SPATA31A6: variants seen among roughly 807,000 people sequenced by gnomAD.
SPATA31A6 encodes the protein SPATA31 subfamily A member 6, also known as spermatogenesis-associated protein 31A6.
SPATA31A6 carries 9 observed loss-of-function variants against 11.9 expected under a neutral mutation model. The ratio of observed to expected loss-of-function variants is 0.76; its 90% CI spans 0.46 to 1.32. The LOEUF (loss-of-function observed/expected upper bound fraction) is 1.32. Among genes scored for constraint, SPATA31A6 ranks in the 40% most tolerant of loss-of-function variants. The pLI is 0.00. For missense variants in SPATA31A6, 855 were observed against 1,467.3 expected (o/e 0.58, Z 6.82); for synonymous variants, 314 against 572.1 (o/e 0.55, Z 6.44).
Position 42,184,826 on chromosome 9 carries a change from C to G in SPATA31A6, c.190-243C>G, listed in dbSNP as rs1351854584. Among the ~76,000 whole-genome samples, 4 of 137,700 alleles carry G rather than the reference C, an allele frequency of 2.9e-5. 1 individual carries two copies. Among genetic ancestry groups the G allele is most frequent in the Non-Finnish European group, 6.2e-5 (4 of 64,770 alleles). The allele number at this position is 137,700 out of a possible 152,430, so 90.3% of individuals were successfully genotyped here. Reference sequence around the variant, plus strand: ...TATAGGCGTGAGCCACCACGCCCAGCCCCCTCTTGCTGTTTTTCTAAGAAG... The same window carrying G: ...TATAGGCGTGAGCCACCACGCCCAGGCCCCTCTTGCTGTTTTTCTAAGAAG... On this transcript the variant is annotated intron_variant, in intron 1 of 3. Coordinates refer to ENST00000332857, the MANE Select transcript of SPATA31A6 (RefSeq NM_001145196.1).
In SPATA31A6 at chr9:42,186,798, T is replaced by A; in HGVS notation, c.1096T>A (p.Leu366Met). The A allele has an allele frequency of 6.5e-7, 1 of 1,533,242 alleles. No individual in the cohort carries two copies. Among genetic ancestry groups the A allele is most frequent in the Non-Finnish European group, 8.8e-7 (1 of 1,141,098 alleles). The allele number at this position is 1,533,242 out of a possible 1,614,324, so 95.0% of individuals were successfully genotyped here. A position where few individuals can be genotyped will look rare whatever the true frequency, so the allele number is the denominator to read the frequency against. ...AAAGCACTTAAATTCTTTGGGGAAT[T>A]TGGCTAAATCATTGGATGCTGAGCA... The part of the protein sequence containing the change: ...PEKHLNSLGN[L>M]AKSLDAEQDT... The change falls in exon 4 of 4, where the codon TTG becomes ATG. Residue 366 changes from leucine (L) to methionine (M), a missense_variant. By Grantham distance (15) the Leu-to-Met change is conservative. Coordinates refer to ENST00000332857, the MANE Select transcript of SPATA31A6 (RefSeq NM_001145196.1).
rs774395509 is a variant in SPATA31A6 at position 42,189,160 on chromosome 9, C to T, written c.3458C>T (p.Pro1153Leu). Residue 1153 changes from proline (P) to leucine (L), a missense_variant, in exon 4 of 4, where the codon CCT (proline) becomes CTT (leucine). Physicochemically the swap from Pro to Leu is moderately conservative, Grantham distance 98. Coordinates refer to ENST00000332857, the MANE Select transcript of SPATA31A6 (RefSeq NM_001145196.1). ...GVQLLPSKKQPPSVSHFGENI... is the reference protein window; with the variant it reads ...GVQLLPSKKQLPSVSHFGENI... ...CAGCTACTGCCATCAAAGAAACAGC[C>T]TCCTTCAGTAAGCCACTTTGGAGAA... is the stretch of plus-strand genomic sequence containing the variant. The T allele has an allele frequency of 6.0e-5, 92 of 1,544,668 alleles. 15 individuals carry two copies. Among genetic ancestry groups the T allele is most frequent in the Middle Eastern group, 4.6e-4 (2 of 4,320 alleles).
Position 42,183,742 on chromosome 9 carries a change from C to G in SPATA31A6, c.55C>G (p.Pro19Ala). ...ACTTAGTGCCTCATCGCTAAACGCCCCCAGCTCCACACCATGGGTGTTGGA... is the reference window on the plus strand; with the variant it reads ...ACTTAGTGCCTCATCGCTAAACGCCGCCAGCTCCACACCATGGGTGTTGGA... ...KLLSASSLNAPSSTPWVLDIF... is the reference protein window; with the variant it reads ...KLLSASSLNAASSTPWVLDIF... Residue 19 changes from proline to alanine, a missense_variant, in exon 1 of 4, where the codon CCC becomes GCC. Coordinates refer to ENST00000332857, the MANE Select transcript of SPATA31A6 (RefSeq NM_001145196.1). 6.5e-7 allele frequency: 1 copy of G among 1,535,388 alleles called. No individual in the cohort carries two copies. The highest frequency in any genetic ancestry group is 8.8e-7 in the Non-Finnish European group (1 of 1,137,618).
At position 42,186,985 on chromosome 9, in the gene SPATA31A6, T is replaced by C; in HGVS notation, c.1283T>C (p.Val428Ala). 6.5e-7 allele frequency: 1 copy of C among 1,545,938 alleles called. No individual in the cohort carries two copies. The highest frequency in any genetic ancestry group is 8.8e-7 in the Non-Finnish European group (1 of 1,142,124). Reference sequence around the variant, plus strand: ...CCCTCTCTGCACAGCGAGTCCCTGGTGGCTAACGCCTGGGTAACTGACAGG... The same window carrying C: ...CCCTCTCTGCACAGCGAGTCCCTGGCGGCTAACGCCTGGGTAACTGACAGG... ...GLPSLHSESL[V>A]ANAWVTDRSY... Residue 428 changes from valine (V) to alanine (A), a missense_variant, in exon 4 of 4, where the codon GTG (valine) becomes GCG (alanine). Val to Ala is a moderately conservative substitution (Grantham distance 64). Coordinates refer to ENST00000332857, the MANE Select transcript of SPATA31A6 (RefSeq NM_001145196.1).
Position 42,184,986 on chromosome 9 carries a change from C to T in SPATA31A6, c.190-83C>T, listed in dbSNP as rs1587325913. The T allele has an allele frequency of 3.6e-6, 5 of 1,377,644 alleles. No homozygotes were observed. In the South Asian group the frequency reaches 5.1e-5, roughly 14 times the overall value. The allele number at this position is 1,377,644 out of a possible 1,614,324, so 85.3% of individuals were successfully genotyped here. A position where few individuals can be genotyped will look rare whatever the true frequency, so the allele number is the denominator to read the frequency against. On this transcript the variant is annotated intron_variant, in intron 1 of 3. Coordinates refer to ENST00000332857, the MANE Select transcript of SPATA31A6 (RefSeq NM_001145196.1). ...CTGGAGCAGAGAGGGAGAGCCAGTC[C>T]TAGCTTCTCGCCCTTTCTTGTCTCC...
rs1033097436 is a variant in SPATA31A6 at position 42,184,290 on chromosome 9, C to G, written c.189+414C>G. ...CTGTGCTGGGCCCCCGAGGGCCTCC[C>G]ACCAGGGCCTGGTGTCTCCTCTGGT... On this transcript the variant is annotated intron_variant, in intron 1 of 3. Transcript: ENST00000332857. Among the ~76,000 whole-genome samples, 9 of 130,208 alleles carry G rather than the reference C, an allele frequency of 6.9e-5. 3 individuals are homozygous for G. Among genetic ancestry groups the G allele is most frequent in the African/African-American group, 2.5e-4 (8 of 32,164 alleles). 85.4% of individuals were successfully genotyped at this position (130,208 alleles called of 152,430 possible). A position where few individuals can be genotyped will look rare whatever the true frequency, so the allele number is the denominator to read the frequency against.
At position 42,188,046 on chromosome 9, in the gene SPATA31A6, GC is replaced by G; in HGVS notation, c.2347del (p.Gln783ArgfsTer19). On this transcript the variant is annotated frameshift_variant, in exon 4 of 4. Transcript: ENST00000332857. LOFTEE classifies it low-confidence loss of function (END_TRUNC). ...PKSGKACVNT[A>X]QVLSFLEPCT... ...AAGTGGGAAAGCCTGTGTGAACACA[GC>G]CCAGGTGCTTTCCTTCCTCGAGCCG... is the stretch of plus-strand genomic sequence containing the variant. The G allele has an allele frequency of 1.5e-6, 1 of 646,566 alleles. No individual in the cohort carries two copies. Among genetic ancestry groups the G allele is most frequent in the Non-Finnish European group, 2.2e-6 (1 of 446,592 alleles). 40.1% of individuals were successfully genotyped at this position (646,566 alleles called of 1,614,324 possible).
intron 1 of SPATA31A6, among the ~76,000 whole-genome samples, chr9:42,184,503 G>GTTATTTATTTTATT (rs869112545): frequency 9.8e-6 from 1 of 102,442 alleles, no homozygotes; most frequent in South Asian, 3.3e-4. Flanking sequence ...TTATTTGTGT[G>GTTATTTATTTTATT]TTATTTTATT....
At position 42,187,347 on chromosome 9, in the gene SPATA31A6, G is replaced by A. The variant is rs1829478064; in HGVS notation, c.1645G>A (p.Glu549Lys). 3.9e-6 allele frequency: 6 copies of A among 1,538,090 alleles called. 1 individual carries two copies. The highest frequency in any genetic ancestry group is 5.3e-6 in the Non-Finnish European group (6 of 1,137,022). Residue 549 changes from glutamate to lysine, a missense_variant, in exon 4 of 4, where the codon GAA (glutamate) becomes AAA (lysine). By Grantham distance (56) the Glu-to-Lys change is moderately conservative. Transcript: ENST00000332857. ...ATGGCCTTTGTTGAGGAAACAACTAGAAGGTAGGTTGGCTTTACCCTCTAG... is the reference window on the plus strand; with the variant it reads ...ATGGCCTTTGTTGAGGAAACAACTAAAAGGTAGGTTGGCTTTACCCTCTAG... ...PEWPLLRKQLEGRLALPSRVQ... is the reference protein window; with the variant it reads ...PEWPLLRKQLKGRLALPSRVQ...
Position 42,189,481 on chromosome 9 carries a change from A to G in SPATA31A6, c.3779A>G (p.Tyr1260Cys), listed in dbSNP as rs765684794. 2 of 1,556,832 alleles carry G rather than the reference A, an allele frequency of 1.3e-6. No homozygotes were observed. The highest frequency in any genetic ancestry group is 1.7e-6 in the Non-Finnish European group (2 of 1,154,970). ...FYSEHGRILS[Y>C]AASSQQATLK... ...TCAGAACATGGCAGAATACTGAGCT[A>G]TGCAGCCAGCAGTCAACAAGCCACT... Residue 1260 changes from tyrosine (Y) to cysteine (C), a missense_variant, in exon 4 of 4, where the codon TAT (tyrosine) becomes TGT (cysteine). Coordinates refer to ENST00000332857, the MANE Select transcript of SPATA31A6 (RefSeq NM_001145196.1).
In SPATA31A6 at chr9:42,186,666, T is replaced by A. The variant is rs1829458489; in HGVS notation, c.964T>A (p.Ser322Thr). The A allele has an allele frequency of 6.5e-7, 1 of 1,531,798 alleles. No individual in the cohort carries two copies. Among genetic ancestry groups the A allele is most frequent in the East Asian group, 2.4e-5 (1 of 42,082 alleles). The allele number at this position is 1,531,798 out of a possible 1,614,324, so 94.9% of individuals were successfully genotyped here. The change falls in exon 4 of 4, where the codon TCT becomes ACT. Residue 322 changes from serine (S) to threonine (T), a missense_variant. By Grantham distance (58) the Ser-to-Thr change is moderately conservative. Coordinates refer to ENST00000332857, the MANE Select transcript of SPATA31A6 (RefSeq NM_001145196.1). The part of the protein sequence containing the change: ...MEAGSLFLLS[S>T]DGQNVVGIQV... ...AGCTGGTAGCCTGTTTTTGCTCAGC[T>A]CTGATGGCCAGAATGTCGTGGGGAT...
rs10907643 is a variant in SPATA31A6, at chr9:42,189,007, C to T, written c.3305C>T (p.Pro1102Leu). Residue 1102 changes from proline (P) to leucine (L), a missense_variant, in exon 4 of 4, where the codon CCT (proline) becomes CTT (leucine). Transcript: ENST00000332857. ...SCKSQRPMFP[P>L]IHKSEKSRKP... ...AAGAGCCAAAGGCCAATGTTTCCCC[C>T]TATTCACAAGAGTGAGAAGTCTAGG... The T allele has an allele frequency of 0.44, 684,792 of 1,543,798 alleles. 192,083 individuals are homozygous for T. The highest frequency in any genetic ancestry group is 0.67 in the East Asian group (27,979 of 41,872).
rs753419468 is a variant in SPATA31A6, at chr9:42,187,263, T to A, written c.1561T>A (p.Cys521Ser). The A allele has an allele frequency of 6.5e-7, 1 of 1,542,246 alleles. No homozygotes were observed. Among genetic ancestry groups the A allele is most frequent in the South Asian group, 1.2e-5 (1 of 86,494 alleles). Reference protein sequence around the residue: ...PSLIKNTGVACPASQNKVQAL... With the variant: ...PSLIKNTGVASPASQNKVQAL... ...CCTGATTAAGAACACTGGAGTAGCT[T>A]GCCCTGCATCGCAGAATAAAGTGCA... The change falls in exon 4 of 4, where the codon TGC (cysteine) becomes AGC (serine). Residue 521 changes from cysteine (C) to serine (S), a missense_variant. By Grantham distance (112) the Cys-to-Ser change is moderately radical. Coordinates refer to ENST00000332857, the MANE Select transcript of SPATA31A6 (RefSeq NM_001145196.1).
At position 42,183,752 on chromosome 9, in the gene SPATA31A6, C is replaced by T. The variant is rs183644807; in HGVS notation, c.65C>T (p.Thr22Ile). Reference protein sequence around the residue: ...SASSLNAPSSTPWVLDIFLTL... With the variant: ...SASSLNAPSSIPWVLDIFLTL... ...TCATCGCTAAACGCCCCCAGCTCCA[C>T]ACCATGGGTGTTGGATATCTTCCTC... Residue 22 changes from threonine to isoleucine, a missense_variant, in exon 1 of 4, where the codon ACA becomes ATA. Thr to Ile is a moderately conservative substitution (Grantham distance 89, BLOSUM62 -1). Transcript: ENST00000332857. 2.1e-3 allele frequency: 3,272 copies of T among 1,535,842 alleles called. 780 individuals are homozygous for T. The African/African-American group carries it at 0.047, about 22-fold the overall frequency.
chr9:42,187,701 C>A lies in SPATA31A6; in HGVS notation c.1999C>A (p.Leu667Met), dbSNP rs773575407. The A allele has an allele frequency of 1.3e-6, 2 of 1,520,438 alleles. No homozygotes were observed. Among genetic ancestry groups the A allele is most frequent in the African/African-American group, 3.4e-5 (2 of 59,010 alleles). The allele number at this position is 1,520,438 out of a possible 1,614,324, so 94.2% of individuals were successfully genotyped here. A position where few individuals can be genotyped will look rare whatever the true frequency, so the allele number is the denominator to read the frequency against. ...FQLERDLCPH[L>M]GQILGETPQN... ...GCTAGAGAGGGACCTGTGCCCACAT[C>A]TGGGGCAAATTCTGGGTGAGACCCC... Residue 667 changes from leucine (L) to methionine (M), a missense_variant, in exon 4 of 4, where the codon CTG becomes ATG. Coordinates refer to ENST00000332857, the MANE Select transcript of SPATA31A6 (RefSeq NM_001145196.1).
chr9:42,188,994 C>T lies in SPATA31A6; in HGVS notation c.3292C>T (p.Pro1098Ser). ...NCQGSCKSQRPMFPPIHKSEK... is the reference protein window; with the variant it reads ...NCQGSCKSQRSMFPPIHKSEK... ...TCAAGGCTCATGCAAGAGCCAAAGG[C>T]CAATGTTTCCCCCTATTCACAAGAG... The change falls in exon 4 of 4, where the codon CCA becomes TCA. Residue 1098 changes from proline to serine, a missense_variant. Physicochemically the swap from Pro to Ser is moderately conservative, Grantham distance 74. Coordinates refer to ENST00000332857, the MANE Select transcript of SPATA31A6 (RefSeq NM_001145196.1). The T allele has an allele frequency of 6.5e-7, 1 of 1,549,192 alleles. No homozygotes were observed. The highest frequency in any genetic ancestry group is 1.1e-5 in the South Asian group (1 of 87,342).
At chr9:42,185,545 A>G (rs1368553930) in intron 2 of SPATA31A6, 150 bp from the exon 3 acceptor site, 7 of 1,085,024 alleles carry the variant, frequency 6.5e-6, no homozygotes, top group Non-Finnish European at 9.3e-6. Flanking sequence ...ATGCCTTGCT[A>G]TTAACGTCGG....
chr9:42,186,890 G>A lies in SPATA31A6; in HGVS notation c.1188G>A (p.Gln396=). ...GENSKQLPGP[Q]KCSDPRLLQE... is the part of the protein sequence containing the mutation. ...ACTCGAAACAGCTGCCCGGACCTCA[G>A]AAGTGCTCAGATCCTAGGCTCTTGC... Residue 396 remains glutamine, a synonymous_variant, in exon 4 of 4, where the codon CAG becomes CAA. Transcript: ENST00000332857. The A allele has an allele frequency of 6.5e-7, 1 of 1,538,118 alleles. No homozygotes were observed. The highest frequency in any genetic ancestry group is 8.8e-7 in the Non-Finnish European group (1 of 1,142,436).
In SPATA31A6 at chr9:42,183,784, G is replaced by T. The variant is rs753379968; in HGVS notation, c.97G>T (p.Val33Leu). 17 of 1,534,970 alleles carry T rather than the reference G, an allele frequency of 1.1e-5. 2 individuals are homozygous for T. Among genetic ancestry groups the T allele is most frequent in the African/African-American group, 1.6e-5 (1 of 62,386 alleles). ...GGTGTTGGATATCTTCCTCACCTTG[G>T]TGTTTGCCCTGGGGTTCTTCTTCCT... ...PWVLDIFLTL[V>L]FALGFFFLLL... Residue 33 changes from valine to leucine, a missense_variant, in exon 1 of 4, where the codon GTG (valine) becomes TTG (leucine). By Grantham distance (32) the Val-to-Leu change is conservative. Coordinates refer to ENST00000332857, the MANE Select transcript of SPATA31A6 (RefSeq NM_001145196.1).
Sources: gnomAD v4.1 joint callset for allele counts (sites outside exome capture counted in the v4.1 genomes callset) on GRCh38, gnomAD v4.1.1 for gene constraint, MANE v1.5 for transcripts, NCBI Gene and HGNC (gene_info 2026-07-23, HGNC 2026-07-21) for gene names.